The following SNAP91 variants were observed in gnomAD, a reference collection of about 807,000 sequenced individuals.
SNAP91 encodes synaptosome associated protein 91, also known as clathrin coat assembly protein AP180.
Under a neutral mutation model 100.3 loss-of-function variants are expected in SNAP91, and 27 were observed. The observed-to-expected ratio is 0.27, with a 90% CI of 0.20 to 0.37. The LOEUF is 0.37. Ranked by LOEUF, SNAP91 falls within the 10% of genes least tolerant of loss-of-function variation. The probability of loss-of-function intolerance (pLI) is 1.00; values close to 1 mark genes in which losing one functional copy is unlikely to be tolerated. For synonymous variants in SNAP91, 404 were observed against 398.6 expected (o/e 1.01, Z -0.16); for missense variants, 986 against 1,123.7 (o/e 0.88, Z 1.75).
intron 2 of SNAP91, among the ~76,000 whole-genome samples, chr6:83,670,244 CTT>C (rs34522653): frequency 0.37 from 51,995 of 140,572 alleles, 9,900 homozygotes; most frequent in South Asian, 0.5. Flanking sequence ...TGATATGGTC[CTT>C]TTTTTTTTTT....
chr6:83,685,912 G>A (rs954860669), intron 2 of SNAP91, among the ~76,000 whole-genome samples: 2 of 151,994 alleles, frequency 1.3e-5, no homozygotes, highest in Non-Finnish European at 2.9e-5. Flanking sequence ...TAAAAAAATA[G>A]GTCTTTTTTT....
rs568841178 is a variant in SNAP91 at position 83,690,440 on chromosome 6, C to T, written c.130+17358G>A. The T allele has an allele frequency of 2.0e-4, 258 of 1,283,680 alleles. 1 individual carries two copies. Among genetic ancestry groups the T allele is most frequent in the South Asian group, 1.5e-3 (117 of 80,638 alleles). 79.5% of individuals were successfully genotyped at this position (1,283,680 alleles called of 1,614,324 possible). A position where few individuals can be genotyped will look rare whatever the true frequency, so the allele number is the denominator to read the frequency against. ...TGTTGAAAGAAGGTTTGTAGGTCTA[C>T]GAAAACAATGCAGCTCAGTTACACA... On this transcript the variant is annotated intron_variant, in intron 2 of 29. Transcript: ENST00000369694.
intron 26 of SNAP91, among the ~76,000 whole-genome samples, chr6:83,564,875 G>A (rs1183017512): frequency 6.6e-6 from 1 of 151,744 alleles, no homozygotes; most frequent in African/African-American, 2.4e-5. Context: ...GACACCAAAA[G>A]CACAAGTAAT....
chr6:83,691,645 G>A lies in SNAP91; in HGVS notation c.130+16153C>T, dbSNP rs577057843. On this transcript the variant is annotated intron_variant, in intron 2 of 29. Coordinates refer to ENST00000369694, the MANE Select transcript of SNAP91 (RefSeq NM_001242792.2). Reference sequence around the variant, plus strand: ...CAGCTCCAACCTAAGAATAGTATACGATGCTGACCACGAAGAACCCAGGCC... The same window carrying A: ...CAGCTCCAACCTAAGAATAGTATACAATGCTGACCACGAAGAACCCAGGCC... Among the ~76,000 whole-genome samples, 96 of 151,996 alleles carry A rather than the reference G, an allele frequency of 6.3e-4. No homozygotes were observed. In the Middle Eastern group the frequency reaches 0.014, roughly 22 times the overall value.
At chr6:83,665,150 C>G (rs1351412115) in intron 3 of SNAP91, among the ~76,000 whole-genome samples, 2 of 152,018 alleles carry the variant, frequency 1.3e-5, no homozygotes, top group African/African-American at 2.4e-5. Context: ...ATTTGTGTGA[C>G]TCGCTTATTG....
At chr6:83,590,327 G>A (rs1236715603) in intron 22 of SNAP91, among the ~76,000 whole-genome samples, 3 of 152,130 alleles carry the variant, frequency 2.0e-5, no homozygotes, top group African/African-American at 4.8e-5. Context: ...ATAATTTCTA[G>A]GTCAAGGCTA....
At chr6:83,684,762 G>A (rs561722022) in intron 2 of SNAP91, among the ~76,000 whole-genome samples, 28 of 152,198 alleles carry the variant, frequency 1.8e-4, no homozygotes, top group African/African-American at 6.7e-4. Context: ...AAGTCTTGGA[G>A]CTCTGTTATT....
At chr6:83,699,618 AATG>A (rs1414756238) in intron 2 of SNAP91, among the ~76,000 whole-genome samples, 1 of 152,218 alleles carries the variant, frequency 6.6e-6, no homozygotes, top group East Asian at 1.9e-4. Context: ...AGCAATAATC[AATG>A]ATAACTGAAA....
chr6:83,635,936 T>G (rs1219338845), intron 8 of SNAP91, among the ~76,000 whole-genome samples: 1 of 152,196 alleles, frequency 6.6e-6, no homozygotes, highest in Admixed American at 6.5e-5. Context: ...TGAAGCTTAG[T>G]TTGGTAGGTT....
At chr6:83,659,151 T>C in intron 5 of SNAP91, 59 bp from the exon 6 acceptor site, 1 of 1,295,524 alleles carries the variant, frequency 7.7e-7, no homozygotes, top group Non-Finnish European at 1.1e-6. Flanking sequence ...TTCAAGACCA[T>C]ATGAATTGTT....
chr6:83,691,078 T>TA (rs2099124847), intron 2 of SNAP91, among the ~76,000 whole-genome samples: 1 of 152,046 alleles, frequency 6.6e-6, no homozygotes, highest in Non-Finnish European at 1.5e-5. Flanking sequence ...TTTTAGGAAA[T>TA]ACATAACAAC....
chr6:83,560,045 A>G, intron 28 of SNAP91, 59 bp downstream of exon 28: 1 of 1,385,582 alleles, frequency 7.2e-7, no homozygotes, highest in South Asian at 1.2e-5. Context: ...AGTTTGCTAC[A>G]CCAATGTTTT....
At chr6:83,692,367 T>C (rs1435910065) in intron 2 of SNAP91, among the ~76,000 whole-genome samples, 1 of 151,950 alleles carries the variant, frequency 6.6e-6, no homozygotes, top group Non-Finnish European at 1.5e-5. Flanking sequence ...ATACAAAAAT[T>C]AGCTAGGCGT....
intron 2 of SNAP91, among the ~76,000 whole-genome samples, chr6:83,703,472 T>C (rs933218740): frequency 3.3e-5 from 5 of 152,212 alleles, no homozygotes; most frequent in Non-Finnish European, 4.4e-5. Flanking sequence ...AACTCACTTT[T>C]AGGTTTAAAT....
At chr6:83,578,103 T>G (rs796997562) in intron 24 of SNAP91, among the ~76,000 whole-genome samples, 8 of 152,294 alleles carry the variant, frequency 5.3e-5, no homozygotes, top group South Asian at 2.1e-4. Context: ...ATATCATTTT[T>G]TTTTATCCAT....
At chr6:83,580,944 G>C (rs1562197617) in intron 23 of SNAP91, among the ~76,000 whole-genome samples, 1 of 152,180 alleles carries the variant, frequency 6.6e-6, no homozygotes, top group South Asian at 2.1e-4. Flanking sequence ...CTGTAAATGG[G>C]GAGAGTATGA....
chr6:83,630,763 T>A (rs914272372), intron 8 of SNAP91, among the ~76,000 whole-genome samples: 2 of 116,090 alleles, frequency 1.7e-5, no homozygotes, highest in African/African-American at 3.2e-5. Context: ...TAATGGTCTA[T>A]CAATTTTATC....
At chr6:83,588,735 C>T (rs941088782) in intron 22 of SNAP91, among the ~76,000 whole-genome samples, 2 of 152,172 alleles carry the variant, frequency 1.3e-5, no homozygotes, top group African/African-American at 4.8e-5. Flanking sequence ...CCTTTTCCCA[C>T]AGGAAAAGGC....
chr6:83,612,951 T>C (rs188382894), intron 11 of SNAP91, among the ~76,000 whole-genome samples: 10 of 147,756 alleles, frequency 6.8e-5, no homozygotes, highest in Middle Eastern at 3.6e-3. Context: ...AACTAATACC[T>C]AAAATATTAT....
Sources: gnomAD v4.1 joint callset for allele counts (sites outside exome capture counted in the v4.1 genomes callset) on GRCh38, gnomAD v4.1.1 for gene constraint, MANE v1.5 for transcripts, NCBI Gene and HGNC (gene_info 2026-07-23, HGNC 2026-07-21) for gene names.